Variants in LOC400499 observed in about 807,000 individuals in gnomAD.
the LOC400499 span, among the ~76,000 whole-genome samples, chr16:11,382,915 G>T: frequency 6.7e-6 from 1 of 149,712 alleles, no homozygotes; most frequent in Non-Finnish European, 1.5e-5. Context: ...ATATAAAGGA[G>T]CACCTGAGGC....
chr16:11,518,704 A>G, the LOC400499 span, among the ~76,000 whole-genome samples: 1 of 152,104 alleles, frequency 6.6e-6, no homozygotes, highest in South Asian at 2.1e-4. Context: ...GTGCTTGACA[A>G]GGTCAAAACA....
chr16:11,435,141 G>A, the LOC400499 span, among the ~76,000 whole-genome samples: 1 of 151,612 alleles, frequency 6.6e-6, no homozygotes, highest in Admixed American at 6.6e-5. Flanking sequence ...CACCACATCT[G>A]GCTATTTTTT....
At chr16:11,408,236 G>C in the LOC400499 span, among the ~76,000 whole-genome samples, 1 of 152,112 alleles carries the variant, frequency 6.6e-6, no homozygotes, top group African/African-American at 2.4e-5. Context: ...GCCCACCTCG[G>C]CCTCCCAAAG....
At chr16:11,438,106 C>T in the LOC400499 span, among the ~76,000 whole-genome samples, 1 of 152,092 alleles carries the variant, frequency 6.6e-6, no homozygotes, top group African/African-American at 2.4e-5. Flanking sequence ...GTGCTCCATG[C>T]CCCCCCACAA....
At chr16:11,518,319 C>T in the LOC400499 span, among the ~76,000 whole-genome samples, 1 of 152,126 alleles carries the variant, frequency 6.6e-6, no homozygotes, top group Non-Finnish European at 1.5e-5. Context: ...AGGCTGGCGG[C>T]TGCTCTGAGC....
the LOC400499 span, among the ~76,000 whole-genome samples, chr16:11,419,917 T>C: frequency 1.0e-3 from 158 of 151,350 alleles, no homozygotes; most frequent in African/African-American, 3.7e-3. Context: ...CCAGTTAGAA[T>C]GGCAATCATT....
the LOC400499 span, chr16:11,471,861 A>C: frequency 1.5e-5 from 6 of 399,024 alleles, no homozygotes; most frequent in African/African-American, 1.2e-4. Flanking sequence ...GTGGAGACTC[A>C]GAGGGCTCTG....
At chr16:11,412,862 C>T in the LOC400499 span, 23 of 399,150 alleles carry the variant, frequency 5.8e-5, 1 homozygote, top group Middle Eastern at 6.3e-4. Flanking sequence ...GTTCTGGCCA[C>T]GGACGTCAAG....
the LOC400499 span, chr16:11,447,845 T>G: frequency 1.4e-6 from 2 of 1,431,062 alleles, no homozygotes; most frequent in East Asian, 5.3e-5. Context: ...TCCAGGTAGC[T>G]CTGCCCATCC....
At chr16:11,502,232 G>A in the LOC400499 span, 14 of 398,726 alleles carry the variant, frequency 3.5e-5, no homozygotes, top group East Asian at 2.1e-4. Context: ...GGGGATCCCC[G>A]AAGGTCACCT....
chr16:11,474,991 G>C, the LOC400499 span, among the ~76,000 whole-genome samples: 2 of 152,154 alleles, frequency 1.3e-5, no homozygotes, highest in African/African-American at 4.8e-5. Flanking sequence ...ACAGATAAAA[G>C]GTTAAATATT....
chr16:11,490,103 G>A, the LOC400499 span, among the ~76,000 whole-genome samples: 1 of 152,152 alleles, frequency 6.6e-6, no homozygotes, highest in African/African-American at 2.4e-5. Flanking sequence ...AAGACAAAAA[G>A]CAAGCAGCAG....
chr16:11,423,201 T>G, the LOC400499 span: 1 of 399,294 alleles, frequency 2.5e-6, no homozygotes, highest in Non-Finnish European at 4.4e-6. Context: ...CCCAGCGATG[T>G]CCCCTCGGCA....
chr16:11,431,494 C>T, the LOC400499 span, among the ~76,000 whole-genome samples: 1 of 152,312 alleles, frequency 6.6e-6, no homozygotes, highest in Non-Finnish European at 1.5e-5. Flanking sequence ...CAACCTCCGC[C>T]TCCTGGGTTC....
At chr16:11,438,842 C>G in the LOC400499 span, among the ~76,000 whole-genome samples, 1 of 152,080 alleles carries the variant, frequency 6.6e-6, no homozygotes. Context: ...TGCCTGTAAT[C>G]TTAGCACTTT....
chr16:11,506,477 G>A, the LOC400499 span, among the ~76,000 whole-genome samples: 1 of 152,134 alleles, frequency 6.6e-6, no homozygotes, highest in Non-Finnish European at 1.5e-5. Flanking sequence ...ATAAACACCT[G>A]TAACTCGAGC....
chr16:11,469,959 G>A, the LOC400499 span, among the ~76,000 whole-genome samples: 1 of 152,164 alleles, frequency 6.6e-6, no homozygotes, highest in Non-Finnish European at 1.5e-5. Flanking sequence ...TGGAGTGTCA[G>A]CGGCATGATC....
chr16:11,378,699 G>A, the LOC400499 span, among the ~76,000 whole-genome samples: 1 of 152,118 alleles, frequency 6.6e-6, no homozygotes, highest in East Asian at 1.9e-4. Context: ...TTGATCCACT[G>A]GTTTTGTAGT....
the LOC400499 span, among the ~76,000 whole-genome samples, chr16:11,405,849 C>A: frequency 1.3e-5 from 2 of 152,256 alleles, no homozygotes; most frequent in African/African-American, 4.8e-5. Flanking sequence ...GAACACAATG[C>A]AAACGCCTCC....
Sources: gnomAD v4.1 joint callset for allele counts (sites outside exome capture counted in the v4.1 genomes callset) on GRCh38, gnomAD v4.1.1 for gene constraint, MANE v1.5 for transcripts.